HTR2C: variants seen among roughly 807,000 people sequenced by gnomAD.
The protein encoded by HTR2C is 5-hydroxytryptamine receptor 2C, also known as 5-hydroxytryptamine (serotonin) receptor 2C, G protein-coupled.
In HTR2C, 5 loss-of-function variants were observed where a neutral mutation model predicts 21.0. That is an observed-to-expected ratio of 0.24 (90% CI 0.12 to 0.50). The LOEUF (loss-of-function observed/expected upper bound fraction) is 0.50, where lower values mean the gene tolerates loss of function less well. Ranked by LOEUF, HTR2C falls within the 20% of genes least tolerant of loss-of-function variation. The probability of loss-of-function intolerance (pLI) is 0.98; values close to 1 mark genes in which losing one functional copy is unlikely to be tolerated. For synonymous variants in HTR2C, 150 were observed against 145.3 expected (o/e 1.03, Z -0.23); for missense variants, 271 against 371.2 (o/e 0.73, Z 2.22).
intron 2 of HTR2C, among the ~76,000 whole-genome samples, chrX:114,632,756 G>A (rs188569922): frequency 3.4e-4 from 38 of 110,542 alleles, no homozygotes; most frequent in African/African-American, 1.1e-3. Flanking sequence ...TCCTTGTCTT[G>A]ATGTTCCAGA....
rs2147543818 is a variant in HTR2C at position 114,907,666 on chromosome X, TCTCC to T, written c.*258_*261del. 3.5e-6 allele frequency: 1 copy of T among 282,849 alleles called. No homozygotes were observed. Among genetic ancestry groups the T allele is most frequent in the Non-Finnish European group, 6.2e-6 (1 of 161,693 alleles). 23.3% of individuals were successfully genotyped at this position (282,849 alleles called of 1,213,427 possible). ...TGATGAATAAAATGTTTATTTTTGCTCTCCCTCCCTTCTTTCCTTCCTTTTTTCC... is the reference window on the plus strand; with the variant it reads ...TGATGAATAAAATGTTTATTTTTGCTCTCCCTTCTTTCCTTCCTTTTTTCC... On this transcript the variant is annotated 3_prime_UTR_variant, in exon 6 of 6. Coordinates refer to ENST00000276198, the MANE Select transcript of HTR2C (RefSeq NM_000868.4).
rs1556486905 is a variant in HTR2C at position 114,906,729 on chromosome X, G to A, written c.691G>A (p.Val231Met). Residue 231 changes from valine (V) to methionine (M), a missense_variant, in exon 6 of 6, where the codon GTG (valine) becomes ATG (methionine). Physicochemically the swap from Val to Met is conservative, Grantham distance 21 (BLOSUM62 1). Transcript: ENST00000276198. ...TTTCTTCATACCGCTGACGATTATG[G>A]TGATTACGTATTGCCTGACCATCTA... ...VAFFIPLTIMVITYCLTIYVL... is the reference protein window; with the variant it reads ...VAFFIPLTIMMITYCLTIYVL... 2 of 1,209,091 alleles carry A rather than the reference G, an allele frequency of 1.7e-6. No homozygotes were observed. Among genetic ancestry groups the A allele is most frequent in the African/African-American group, 1.8e-5 (1 of 56,892 alleles).
At chrX:114,704,689 T>C (rs1472606077) in intron 2 of HTR2C, among the ~76,000 whole-genome samples, 1 of 111,325 alleles carries the variant, frequency 9.0e-6, no homozygotes, top group Non-Finnish European at 1.9e-5. Flanking sequence ...TTCAACATAG[T>C]GTTGGAAGTG....
At chrX:114,839,771 T>A (rs2070817869) in intron 4 of HTR2C, among the ~76,000 whole-genome samples, 1 of 111,012 alleles carries the variant, frequency 9.0e-6, no homozygotes, top group Non-Finnish European at 1.9e-5. Context: ...AATTTGCAAC[T>A]GGAAGGTGAA....
intron 2 of HTR2C, among the ~76,000 whole-genome samples, chrX:114,648,247 G>A (rs1930432640): frequency 9.0e-6 from 1 of 110,816 alleles, no homozygotes; most frequent in Non-Finnish European, 1.9e-5. Context: ...TTGGGTATAG[G>A]GAGTGCAGTT....
At chrX:114,796,761 C>T (rs782754308) in intron 4 of HTR2C, among the ~76,000 whole-genome samples, 23 of 111,505 alleles carry the variant, frequency 2.1e-4, no homozygotes, top group African/African-American at 6.5e-4. Flanking sequence ...ACCTGATCTT[C>T]TTGACTCAGT....
At chrX:114,730,412 A>C (rs1018339777) in intron 3 of HTR2C, among the ~76,000 whole-genome samples, 7 of 111,985 alleles carry the variant, frequency 6.3e-5, no homozygotes, top group African/African-American at 2.3e-4. Flanking sequence ...ATAGGCATTA[A>C]TCATCACCAC....
chrX:114,883,527 C>CT (rs1204699627), intron 5 of HTR2C, among the ~76,000 whole-genome samples: 5 of 109,023 alleles, frequency 4.6e-5, no homozygotes, highest in Admixed American at 9.9e-5. Flanking sequence ...TGACTTGAGA[C>CT]TTTTTTTTTC....
At chrX:114,743,648 C>T in intron 4 of HTR2C, among the ~76,000 whole-genome samples, 1 of 111,021 alleles carries the variant, frequency 9.0e-6, no homozygotes, top group Admixed American at 9.6e-5. Context: ...AAATTTGTGC[C>T]ATTAGAGTCC....
At chrX:114,871,705 T>C (rs782396418) in intron 5 of HTR2C, among the ~76,000 whole-genome samples, 1 of 110,792 alleles carries the variant, frequency 9.0e-6, no homozygotes, top group East Asian at 2.9e-4. Context: ...TTCTTTTCTG[T>C]TTTTTGCAAG....
At position 114,848,023 on chromosome X, in the gene HTR2C, A is replaced by C; in HGVS notation, c.370A>C (p.Arg124=). 8.3e-7 allele frequency: 1 copy of C among 1,205,907 alleles called. No individual in the cohort carries two copies. The highest frequency in any genetic ancestry group is 1.1e-6 in the Non-Finnish European group (1 of 890,490). The change falls in exon 5 of 6, where the codon AGA becomes CGA. Residue 124 remains arginine (R), a synonymous_variant. Coordinates refer to ENST00000276198, the MANE Select transcript of HTR2C (RefSeq NM_000868.4). The part of the protein sequence containing the change: ...ILYDYVWPLP[R]YLCPVWISLD... ...TTCAGATTATGTCTGGCCACTACCT[A>C]GATATTTGTGCCCCGTCTGGATTTC...
intron 1 of HTR2C, among the ~76,000 whole-genome samples, chrX:114,605,777 G>T (rs1928385970): frequency 9.1e-6 from 1 of 109,370 alleles, no homozygotes; most frequent in African/African-American, 3.3e-5. Flanking sequence ...GTGGAAGGTT[G>T]CCCATAGTGA....
chrX:114,885,874 T>C (rs1426018543), intron 5 of HTR2C, among the ~76,000 whole-genome samples: 1 of 111,764 alleles, frequency 8.9e-6, no homozygotes, highest in African/African-American at 3.2e-5. Flanking sequence ...TAGGTCTAAT[T>C]GATTTATAGA....
intron 4 of HTR2C, among the ~76,000 whole-genome samples, chrX:114,780,576 A>G (rs2070107275): frequency 9.0e-6 from 1 of 111,686 alleles, no homozygotes; most frequent in African/African-American, 3.3e-5. Flanking sequence ...AAGGTGCCTT[A>G]GAATTGAGGG....
chrX:114,855,414 A>G (rs2070951272), intron 5 of HTR2C, among the ~76,000 whole-genome samples: 1 of 111,389 alleles, frequency 9.0e-6, no homozygotes, highest in Non-Finnish European at 1.9e-5. Context: ...GTCAAAAATC[A>G]TATACGTTGA....
chrX:114,641,055 T>TC (rs1556406337), intron 2 of HTR2C, among the ~76,000 whole-genome samples: 154 of 101,436 alleles, frequency 1.5e-3, no homozygotes, highest in Middle Eastern at 4.9e-3. Flanking sequence ...TTTCTTTCTT[T>TC]TTTTCTTTTC....
chrX:114,621,549 A>G (rs782611288), intron 2 of HTR2C, among the ~76,000 whole-genome samples: 13 of 112,133 alleles, frequency 1.2e-4, no homozygotes, highest in Non-Finnish European at 2.3e-4. Flanking sequence ...GTTGTTGCCA[A>G]CCACCCTGCT....
chrX:114,788,446 G>A (rs782235530), intron 4 of HTR2C, among the ~76,000 whole-genome samples: 1 of 109,287 alleles, frequency 9.2e-6, no homozygotes, highest in Non-Finnish European at 1.9e-5. Flanking sequence ...ATTTTTAGTC[G>A]AGATGGGATT....
intron 4 of HTR2C, among the ~76,000 whole-genome samples, chrX:114,802,334 A>G (rs1219997596): frequency 9.0e-6 from 1 of 111,431 alleles, no homozygotes; most frequent in Non-Finnish European, 1.9e-5. Context: ...GCAAAGTTCA[A>G]TCTAATGATA....
Sources: allele counts gnomAD v4.1 joint callset (sites outside exome capture counted in the v4.1 genomes callset), GRCh38; gene constraint gnomAD v4.1.1; transcripts MANE v1.5; gene names NCBI Gene and HGNC (gene_info 2026-07-23, HGNC 2026-07-21).